SHCBP1: variants seen among roughly 807,000 people sequenced by gnomAD.
SHCBP1 encodes SHC binding and spindle associated 1.
In SHCBP1, 60 loss-of-function variants were observed where a neutral mutation model predicts 75.1. That is an observed-to-expected ratio of 0.80 (90% CI 0.65 to 0.99). The LOEUF (loss-of-function observed/expected upper bound fraction) is 0.99. Among genes scored for constraint, SHCBP1 ranks in the 50% least tolerant of loss-of-function variants. SHCBP1 has a pLI of 0.00. For missense variants in SHCBP1, 709 were observed against 809.4 expected, an observed-to-expected ratio of 0.88 and a Z score of 1.50; for synonymous variants, 290 against 293.2, an observed-to-expected ratio of 0.99 and a Z score of 0.11.
chr16:46,597,942 G>A (rs1399683709), intron 9 of SHCBP1, among the ~76,000 whole-genome samples: 3 of 152,094 alleles, frequency 2.0e-5, no homozygotes, highest in Admixed American at 6.5e-5. Flanking sequence ...CACCTTCTTC[G>A]CTCATCCATA....
At chr16:46,617,771 G>T (rs1965525118) in intron 2 of SHCBP1, 22 bp from the exon 3 acceptor site, 1 of 1,547,716 alleles carries the variant, frequency 6.5e-7, no homozygotes, top group Non-Finnish European at 8.9e-7. Flanking sequence ...TTAAACACAG[G>T]AAGAATTGAG....
chr16:46,602,203 C>T (rs1965250037), intron 8 of SHCBP1, among the ~76,000 whole-genome samples: 2 of 152,058 alleles, frequency 1.3e-5, no homozygotes, highest in Admixed American at 1.3e-4. Context: ...TTCCACTATG[C>T]CAAAAAATAA....
intron 4 of SHCBP1, 131 bp downstream of exon 4, chr16:46,615,815 G>T: frequency 2.9e-6 from 2 of 694,212 alleles, no homozygotes; most frequent in Non-Finnish European, 2.5e-6. Context: ...CCTATCTTTG[G>T]ATATTTTTAA....
At chr16:46,594,291 A>G (rs1280406973) in intron 10 of SHCBP1, among the ~76,000 whole-genome samples, 3 of 152,222 alleles carry the variant, frequency 2.0e-5, no homozygotes, top group African/African-American at 4.8e-5. Flanking sequence ...GGCCATATGA[A>G]GAAGGTGAAA....
In SHCBP1 at chr16:46,595,615, G is replaced by A. The variant is rs145985657; in HGVS notation, c.1401C>T (p.Thr467=). 1.6e-5 allele frequency: 26 copies of A among 1,614,004 alleles called. No individual in the cohort carries two copies. Among genetic ancestry groups the A allele is most frequent in the African/African-American group, 1.3e-4 (10 of 74,914 alleles). The change falls in exon 10 of 13, where the codon ACC becomes ACT. Residue 467 remains threonine, a synonymous_variant. Transcript: ENST00000303383. ...CTGCTGATGTCCGCACTGTGACTCC[G>A]GTCGTCTCACACTGCAGCACACAGT... ...LENCVLQCET[T]GVTVRTSAEF...
chr16:46,599,428 C>T (rs550057349), intron 9 of SHCBP1, among the ~76,000 whole-genome samples: 1 of 152,096 alleles, frequency 6.6e-6, no homozygotes, highest in South Asian at 2.1e-4. Flanking sequence ...AATGGCTGAT[C>T]GGTGGAACAG....
chr16:46,608,603 C>CTTT (rs34823071), intron 4 of SHCBP1, among the ~76,000 whole-genome samples: 87 of 126,964 alleles, frequency 6.9e-4, no homozygotes, highest in Admixed American at 2.1e-3. Flanking sequence ...TTTGTTAGGA[C>CTTT]TTTTTTTTTT....
chr16:46,609,814 C>A lies in SHCBP1; in HGVS notation c.597-1425G>T, dbSNP rs537808703. On this transcript the variant is annotated intron_variant, in intron 4 of 12. Transcript: ENST00000303383. The stretch of plus-strand genomic sequence containing the variant: ...CAAATTTATTATGGAAAATCCTAAA[C>A]ATATACAACAACAGAGAAAATAGTA... 1.1e-4 allele frequency among the ~76,000 whole-genome samples: 17 copies of A among 152,186 alleles called. No homozygotes were observed. In the South Asian group the frequency reaches 3.3e-3, roughly 30 times the overall value.
chr16:46,582,104 A>G, intron 12 of SHCBP1, 50 bp from the exon 13 acceptor site: 1 of 1,520,294 alleles, frequency 6.6e-7, no homozygotes, highest in Non-Finnish European at 8.8e-7. Flanking sequence ...AGCTAACCCA[A>G]CAAAAACATA....
chr16:46,587,182 G>A (rs1056654175), intron 10 of SHCBP1, among the ~76,000 whole-genome samples: 1 of 152,102 alleles, frequency 6.6e-6, no homozygotes, highest in African/African-American at 2.4e-5. Flanking sequence ...GGAGATGGTA[G>A]AGAATAATAA....
chr16:46,621,260 T>C lies in SHCBP1; in HGVS notation c.100A>G (p.Lys34Glu). The change falls in exon 1 of 13, where the codon AAA becomes GAA. Residue 34 changes from lysine (K) to glutamate (E), a missense_variant. Lys to Glu is a moderately conservative substitution (Grantham distance 56). Coordinates refer to ENST00000303383, the MANE Select transcript of SHCBP1 (RefSeq NM_024745.5). ...GGCCCCGGCATGGAGAGCTCACCTTTCTCCAGAGACGCCAGCTCCTGCTCC... is the reference window on the plus strand; with the variant it reads ...GGCCCCGGCATGGAGAGCTCACCTTCCTCCAGAGACGCCAGCTCCTGCTCC... ...AVEQELASLE[K>E]GLFQDEDSCS... 3.1e-6 allele frequency: 5 copies of C among 1,607,688 alleles called. No homozygotes were observed. Among genetic ancestry groups the C allele is most frequent in the Non-Finnish European group, 4.2e-6 (5 of 1,177,940 alleles).
Position 46,615,976 on chromosome 16 carries a change from T to G in SHCBP1, c.566A>C (p.Asp189Ala). The G allele has an allele frequency of 1.2e-6, 2 of 1,614,140 alleles. No individual in the cohort carries two copies. Among genetic ancestry groups the G allele is most frequent in the Non-Finnish European group, 1.7e-6 (2 of 1,180,030 alleles). The change falls in exon 4 of 13, where the codon GAC (aspartate) becomes GCC (alanine). Residue 189 changes from aspartate (D) to alanine (A), a missense_variant. Asp to Ala is a moderately radical substitution (Grantham distance 126, BLOSUM62 -2). Transcript: ENST00000303383. ...ATGCTCAATTGCAAGGGCTGTCTGG[T>G]CAAACACTCCTGAATCATCAAACAC... The part of the protein sequence containing the change: ...WVVFDDSGVF[D>A]QTALAIEHVR...
At chr16:46,612,798 T>A (rs1038127698) in intron 4 of SHCBP1, among the ~76,000 whole-genome samples, 1 of 152,120 alleles carries the variant, frequency 6.6e-6, no homozygotes, top group Non-Finnish European at 1.5e-5. Context: ...TTACACATCA[T>A]TCCCTTCTGT....
intron 11 of SHCBP1, 25 bp downstream of exon 11, chr16:46,583,978 A>G (rs1464244462): frequency 6.4e-7 from 1 of 1,572,298 alleles, no homozygotes; most frequent in South Asian, 1.2e-5. Flanking sequence ...TCCATTGAAA[A>G]GTGGGTGTTT....
intron 10 of SHCBP1, among the ~76,000 whole-genome samples, chr16:46,586,978 TA>T (rs1464547059): frequency 6.6e-6 from 1 of 151,090 alleles, no homozygotes; most frequent in East Asian, 1.9e-4. Flanking sequence ...AAAGAAATGA[TA>T]AAAGAGAAGA....
At chr16:46,589,074 A>G (rs1026706609) in intron 10 of SHCBP1, among the ~76,000 whole-genome samples, 4 of 152,216 alleles carry the variant, frequency 2.6e-5, no homozygotes, top group Non-Finnish European at 1.5e-5. Context: ...CAAAAACCAC[A>G]TGATTATCTC....
chr16:46,604,085 C>T lies in SHCBP1; in HGVS notation c.982G>A (p.Gly328Ser), dbSNP rs766889570. ...NIQAKGVRSS[G>S]QKITHVVSST... ...GAGACCACATGAGTGATCTTCTGAC[C>T]GCTGGAACGGACACCCTTTGCTTGG... Residue 328 changes from glycine (G) to serine (S), a missense_variant, in exon 7 of 13, where the codon GGT (glycine) becomes AGT (serine). Transcript: ENST00000303383. The T allele has an allele frequency of 2.3e-5, 37 of 1,614,010 alleles. No individual in the cohort carries two copies. The highest frequency in any genetic ancestry group is 1.6e-4 in the Middle Eastern group (1 of 6,084).
At chr16:46,614,982 A>C (rs1403101270) in intron 4 of SHCBP1, among the ~76,000 whole-genome samples, 4 of 152,184 alleles carry the variant, frequency 2.6e-5, no homozygotes, top group Non-Finnish European at 5.9e-5. Flanking sequence ...TGAGTGTGCC[A>C]GCATCTCCTG....
chr16:46,592,320 A>C (rs1221912948), intron 10 of SHCBP1, among the ~76,000 whole-genome samples: 4 of 152,176 alleles, frequency 2.6e-5, no homozygotes. Flanking sequence ...TACTACAAAC[A>C]ATTCTATGCA....
Sources: gnomAD v4.1 joint callset for allele counts (sites outside exome capture counted in the v4.1 genomes callset) on GRCh38, gnomAD v4.1.1 for gene constraint, MANE v1.5 for transcripts, NCBI Gene and HGNC (gene_info 2026-07-23, HGNC 2026-07-21) for gene names.